HLA-DRB1: variants seen among roughly 807,000 people sequenced by gnomAD.
HLA-DRB1 encodes the protein major histocompatibility complex, class II, DR beta 1 precursor.
HLA-DRB1 carries 10 observed loss-of-function variants against 27.9 expected under a neutral mutation model. The ratio of observed to expected loss-of-function variants is 0.36; its 90% CI spans 0.22 to 0.61. The LOEUF is 0.61. HLA-DRB1 is among the 20% of genes least tolerant of loss of function. The pLI, the probability that HLA-DRB1 is intolerant of heterozygous loss-of-function variation, is 0.73. For synonymous variants in HLA-DRB1, 57 were observed against 126.7 expected, an observed-to-expected ratio of 0.45 and a Z score of 3.69; for missense variants, 118 against 306.3, an observed-to-expected ratio of 0.39 and a Z score of 4.59.
chr6:32,583,719 A>C, intron 2 of HLA-DRB1, among the ~76,000 whole-genome samples: 1 of 60,742 alleles, frequency 1.6e-5, no homozygotes, highest in Admixed American at 1.9e-4. Flanking sequence ...CACCCCAACC[A>C]CACACACCTT....
intron 1 of HLA-DRB1, among the ~76,000 whole-genome samples, chr6:32,589,436 G>GTAGGCCCTTTACACAA (rs1777031764): frequency 1.6e-5 from 1 of 64,336 alleles, no homozygotes; most frequent in African/African-American, 6.2e-5. Context: ...AATGATTTGT[G>GTAGGCCCTTTACACAA]CAAAGGCCCC....
intron 1 of HLA-DRB1, among the ~76,000 whole-genome samples, chr6:32,585,916 T>A (rs34224375): frequency 0.18 from 19,480 of 110,740 alleles, 1,215 homozygotes; most frequent in East Asian, 0.25. Context: ...AATACTGAAA[T>A]TCATAGGCCT....
exon 6 of HLA-DRB1, chr6:32,578,969 AC>A: frequency 2.1e-6 from 1 of 481,426 alleles, no homozygotes; most frequent in South Asian, 2.1e-5. Context: ...CAGTTGCCGA[AC>A]CAGTAGCAAC....
At position 32,582,734 on chromosome 6, in the gene HLA-DRB1, T is replaced by C. The variant is rs1300332049; in HGVS notation, c.371-896A>G. ...CCGTGCAACACAAGCATAATTATTATTAGGCCTATCATTGTAAAATGATTT... is the reference window on the plus strand; with the variant it reads ...CCGTGCAACACAAGCATAATTATTACTAGGCCTATCATTGTAAAATGATTT... On this transcript the variant is annotated intron_variant, in intron 2 of 5. Transcript: ENST00000360004. Among the ~76,000 whole-genome samples the C allele has an allele frequency of 4.5e-5, 4 of 88,488 alleles. 1 individual carries two copies. The highest frequency in any genetic ancestry group is 1.9e-4 in the African/African-American group (4 of 20,538). 58.1% of individuals were successfully genotyped at this position (88,488 alleles called of 152,430 possible).
intron 1 of HLA-DRB1, among the ~76,000 whole-genome samples, chr6:32,586,287 A>T (rs1776380035): frequency 9.9e-6 from 1 of 101,416 alleles, no homozygotes; most frequent in African/African-American, 3.9e-5. Flanking sequence ...AGTCAACCTT[A>T]ACCTCGTCCT....
At chr6:32,589,335 G>A (rs28366206) in intron 1 of HLA-DRB1, among the ~76,000 whole-genome samples, 472 of 137,320 alleles carry the variant, frequency 3.4e-3, no homozygotes, top group East Asian at 0.014. Flanking sequence ...GTGCTGTATG[G>A]GGAATTTATT....
Position 32,587,697 on chromosome 6 carries a change from T to C in HLA-DRB1, c.100+1946A>G, listed in dbSNP as rs1581813373. Reference sequence around the variant, plus strand: ...CTTTCTCAGGTGGAGCTCCCTAACATATGAACTAAAGTAGGTGAATCCATG... The same window carrying C: ...CTTTCTCAGGTGGAGCTCCCTAACACATGAACTAAAGTAGGTGAATCCATG... On this transcript the variant is annotated intron_variant, in intron 1 of 5. Coordinates refer to ENST00000360004, the Ensembl canonical transcript of HLA-DRB1. Among the ~76,000 whole-genome samples the C allele has an allele frequency of 3.9e-5, 3 of 77,652 alleles. 1 individual carries two copies. Among genetic ancestry groups the C allele is most frequent in the Non-Finnish European group, 7.7e-5 (3 of 38,946 alleles). 50.9% of individuals were successfully genotyped at this position (77,652 alleles called of 152,430 possible).
At chr6:32,584,015 T>TCA (rs1443574008) in intron 2 of HLA-DRB1, 94 bp downstream of exon 2, 4 of 267,950 alleles carry the variant, frequency 1.5e-5, no homozygotes, top group African/African-American at 1.0e-4. Context: ...TCTGTCTCTC[T>TCA]CTCACACACA....
intron 1 of HLA-DRB1, 129 bp downstream of exon 1, chr6:32,589,514 A>G (rs35406650): frequency 0.18 from 44,800 of 247,810 alleles, 8,983 homozygotes; most frequent in East Asian, 0.26. Flanking sequence ...TTGGGATCCA[A>G]TGATAAAGAT....
At chr6:32,588,292 C>T (rs34126216) in intron 1 of HLA-DRB1, among the ~76,000 whole-genome samples, 2 of 129,634 alleles carry the variant, frequency 1.5e-5, no homozygotes, top group African/African-American at 5.4e-5. Context: ...CTCATGTCTA[C>T]CAAAATTACA....
At chr6:32,587,559 C>T (rs2150806509) in intron 1 of HLA-DRB1, among the ~76,000 whole-genome samples, 1 of 100,026 alleles carries the variant, frequency 1.0e-5, no homozygotes, top group East Asian at 3.3e-4. Context: ...TTCTTTCTCT[C>T]CCTCCACATA....
intron 4 of HLA-DRB1, 58 bp downstream of exon 4, chr6:32,580,682 GCAAAGC>G: frequency 6.9e-6 from 10 of 1,441,186 alleles, no homozygotes; most frequent in Non-Finnish European, 7.6e-6. Context: ...ACTAACCTCA[GCAAAGC>G]CATAGTTCCT....
intron 1 of HLA-DRB1, among the ~76,000 whole-genome samples, chr6:32,585,660 C>T (rs1277563187): frequency 1.7e-4 from 21 of 124,618 alleles, no homozygotes; most frequent in African/African-American, 6.3e-4. Flanking sequence ...AAAGAATTGT[C>T]ATTCTGAAGA....
intron 1 of HLA-DRB1, among the ~76,000 whole-genome samples, chr6:32,587,952 C>A (rs28724163): frequency 0.066 from 9,075 of 138,334 alleles, 3 homozygotes; most frequent in East Asian, 0.077. Flanking sequence ...CATGAATAAA[C>A]CAGGGTATGG....
In HLA-DRB1 at chr6:32,581,845, GA is replaced by G. The variant is rs67184706; in HGVS notation, c.371-8del. On this transcript the variant is annotated splice_region_variant and splice_polypyrimidine_tract_variant and intron_variant, in intron 2 of 5. Transcript: ENST00000360004. ...ACAGTCACCTTAGGTTGGACTAGGA[GA>G]AAAACAACGTAGAGGGAATGAGTCA... The G allele has an allele frequency of 0.015, 14,789 of 972,938 alleles. No homozygotes were observed. The highest frequency in any genetic ancestry group is 0.038 in the African/African-American group (1,534 of 40,042). 60.3% of individuals were successfully genotyped at this position (972,938 alleles called of 1,614,324 possible). A position where few individuals can be genotyped will look rare whatever the true frequency, so the allele number is the denominator to read the frequency against.
intron 1 of HLA-DRB1, among the ~76,000 whole-genome samples, chr6:32,585,754 C>G (rs9270041): frequency 0.82 from 99,466 of 121,290 alleles, 41,982 homozygotes; most frequent in Middle Eastern, 0.89. Context: ...ATAGAAGAAA[C>G]GGACTTTCTA....
chr6:32,584,770 C>T (rs115273610), intron 1 of HLA-DRB1, among the ~76,000 whole-genome samples: 16,029 of 75,516 alleles, frequency 0.21, 1,099 homozygotes, highest in Admixed American at 0.27. Flanking sequence ...GCACCCACCG[C>T]GTTCACCCTG....
chr6:32,584,271 C>T (rs56158521), exon 2 of HLA-DRB1: 281,346 of 1,301,642 alleles, frequency 0.22, 7,689 homozygotes, highest in East Asian at 0.28. Flanking sequence ...ACGTCGCTGT[C>T]GAAGCGCACG....
At chr6:32,588,028 A>G (rs9270180) in intron 1 of HLA-DRB1, among the ~76,000 whole-genome samples, 102,355 of 138,526 alleles carry the variant, frequency 0.74, 39,154 homozygotes, top group Middle Eastern at 0.87. Flanking sequence ...CTTTCATTTT[A>G]ATGTCACACT....
Sources: gnomAD v4.1 joint callset for allele counts (sites outside exome capture counted in the v4.1 genomes callset) on GRCh38, gnomAD v4.1.1 for gene constraint, MANE v1.5 for transcripts, NCBI Gene and HGNC (gene_info 2026-07-23, HGNC 2026-07-21) for gene names.